SPTSSA: variants seen among roughly 807,000 people sequenced by gnomAD.
SPTSSA encodes small subunit of serine palmitoyltransferase A.
A neutral mutation model predicts 9.1 loss-of-function variants in SPTSSA; 8 were observed. The observed-to-expected ratio is 0.88, with a 90% CI of 0.51 to 1.58. SPTSSA has a LOEUF of 1.58. Ranked by LOEUF, SPTSSA falls within the 40% of genes most tolerant of loss-of-function variation. SPTSSA has a pLI of 0.00. For synonymous variants in SPTSSA, 42 were observed against 37.7 expected, an observed-to-expected ratio of 1.11 and a Z score of -0.41; for missense variants, 100 against 93.8, an observed-to-expected ratio of 1.07 and a Z score of -0.27.
At chr14:34,450,009 C>T (rs375998294) in intron 1 of SPTSSA, among the ~76,000 whole-genome samples, 1 of 152,154 alleles carries the variant, frequency 6.6e-6, no homozygotes. Context: ...CTGTAGGAGA[C>T]CCAGGTTTGA....
intron 1 of SPTSSA, among the ~76,000 whole-genome samples, chr14:34,451,672 C>G (rs1488074240): frequency 6.8e-6 from 1 of 146,540 alleles, no homozygotes; most frequent in Non-Finnish European, 1.5e-5. Context: ...GCAGTGAGAT[C>G]GCGCCACTGC....
chr14:34,445,169 C>G (rs974970264), intron 1 of SPTSSA, among the ~76,000 whole-genome samples: 1 of 151,356 alleles, frequency 6.6e-6, no homozygotes, highest in African/African-American at 2.4e-5. Context: ...CTTTTTTTTT[C>G]TTTTTGGTAA....
chr14:34,435,406 T>G (rs1883224214), intron 1 of SPTSSA, 102 bp from the exon 2 acceptor site: 2 of 721,842 alleles, frequency 2.8e-6, no homozygotes, highest in South Asian at 2.1e-5. Context: ...ATTCACTTAG[T>G]GCTTTCTCAT....
At chr14:34,455,367 A>T (rs1883598874) in intron 1 of SPTSSA, among the ~76,000 whole-genome samples, 1 of 152,134 alleles carries the variant, frequency 6.6e-6, no homozygotes, top group Non-Finnish European at 1.5e-5. Context: ...AGCCTGAGGA[A>T]AAGAGCGAAA....
intron 1 of SPTSSA, among the ~76,000 whole-genome samples, chr14:34,458,900 A>G (rs934824400): frequency 3.5e-5 from 5 of 142,812 alleles, no homozygotes; most frequent in Admixed American, 2.8e-4. Context: ...CCCTGAAATT[A>G]CAACTTTTTT....
chr14:34,450,509 C>G (rs915744708), intron 1 of SPTSSA, among the ~76,000 whole-genome samples: 2 of 152,176 alleles, frequency 1.3e-5, no homozygotes, highest in African/African-American at 2.4e-5. Context: ...TTTCTATTTA[C>G]CGAACTCTTC....
At chr14:34,459,484 G>C (rs868706022) in intron 1 of SPTSSA, among the ~76,000 whole-genome samples, 2 of 147,734 alleles carry the variant, frequency 1.4e-5, no homozygotes, top group African/African-American at 5.0e-5. Flanking sequence ...AAAAGAAAAA[G>C]AAGAAAATTA....
At chr14:34,457,971 GAA>G (rs750575678) in intron 1 of SPTSSA, among the ~76,000 whole-genome samples, 4 of 54,714 alleles carry the variant, frequency 7.3e-5, no homozygotes, top group African/African-American at 2.6e-4. Flanking sequence ...GACTGTCTCG[GAA>G]AAAAAAAAAA....
At chr14:34,446,304 T>G (rs1035744092) in intron 1 of SPTSSA, among the ~76,000 whole-genome samples, 1 of 152,204 alleles carries the variant, frequency 6.6e-6, no homozygotes, top group African/African-American at 2.4e-5. Context: ...CCCAAGAAGA[T>G]AGCATCCTTG....
At chr14:34,456,313 A>C (rs1448965904) in intron 1 of SPTSSA, among the ~76,000 whole-genome samples, 4 of 151,908 alleles carry the variant, frequency 2.6e-5, no homozygotes, top group Non-Finnish European at 5.9e-5. Flanking sequence ...CAAGTGCAAA[A>C]CCCTATCTCA....
At chr14:34,435,377 CT>C in intron 1 of SPTSSA, 73 bp from the exon 2 acceptor site, 1 of 1,062,094 alleles carries the variant, frequency 9.4e-7, no homozygotes, top group Non-Finnish European at 1.4e-6. Flanking sequence ...TTCAACAACT[CT>C]TTTATGCTGA....
In SPTSSA at chr14:34,457,970, GGAAAAAAAAAA is replaced by G. The variant is rs1268766285; in HGVS notation, c.112+4115_112+4125del. ...CTGGGTGACAGAGCAAGACTGTCTC[GGAAAAAAAAAA>G]AAAAAAAAACAAAGAAAAGAAAAGA... is the stretch of plus-strand genomic sequence containing the variant. On this transcript the variant is annotated intron_variant, in intron 1 of 1. Coordinates refer to ENST00000298130, the MANE Select transcript of SPTSSA (RefSeq NM_138288.4). 1.1e-4 allele frequency among the ~76,000 whole-genome samples: 9 copies of G among 83,388 alleles called. 1 individual carries two copies. The highest frequency in any genetic ancestry group is 4.4e-4 in the African/African-American group (9 of 20,686). 54.7% of individuals were successfully genotyped at this position (83,388 alleles called of 152,430 possible).
rs111390854 is a variant in SPTSSA, at chr14:34,461,792, G to A, written c.112+304C>T. Among the ~76,000 whole-genome samples, 233 of 152,324 alleles carry A rather than the reference G, an allele frequency of 1.5e-3. 2 individuals carry two copies. Among genetic ancestry groups the A allele is most frequent in the African/African-American group, 5.0e-3 (206 of 41,572 alleles). On this transcript the variant is annotated intron_variant, in intron 1 of 1. Coordinates refer to ENST00000298130, the MANE Select transcript of SPTSSA (RefSeq NM_138288.4). ...CAAAGGCAGTTGCGGCCGAAGTGCA[G>A]GCGACACACAGGGTTACACATCACC... is the stretch of plus-strand genomic sequence containing the variant.
intron 1 of SPTSSA, among the ~76,000 whole-genome samples, chr14:34,442,762 T>C (rs887401616): frequency 1.3e-5 from 2 of 152,336 alleles, no homozygotes; most frequent in African/African-American, 4.8e-5. Context: ...CCAGTGCTCC[T>C]TGGAGTCTGG....
chr14:34,452,231 G>GT (rs1192875799), intron 1 of SPTSSA, among the ~76,000 whole-genome samples: 1 of 139,260 alleles, frequency 7.2e-6, no homozygotes, highest in East Asian at 2.2e-4. Context: ...GAGCAACAGA[G>GT]TGAGACTCAA....
intron 1 of SPTSSA, among the ~76,000 whole-genome samples, chr14:34,440,875 C>T (rs908249286): frequency 5.9e-4 from 89 of 151,466 alleles, no homozygotes; most frequent in Non-Finnish European, 6.8e-4. Context: ...GAACAAAAAT[C>T]CATCTCACAA....
At chr14:34,445,783 G>A (rs990122923) in intron 1 of SPTSSA, among the ~76,000 whole-genome samples, 2 of 152,162 alleles carry the variant, frequency 1.3e-5, no homozygotes, top group African/African-American at 4.8e-5. Flanking sequence ...AAAATTGTAT[G>A]GGATTTCTAA....
chr14:34,459,518 T>C (rs188457419), intron 1 of SPTSSA, among the ~76,000 whole-genome samples: 2,519 of 150,680 alleles, frequency 0.017, 50 homozygotes, highest in African/African-American at 0.049. Context: ...TGGTAGCTCA[T>C]GCCTGTAATC....
intron 1 of SPTSSA, among the ~76,000 whole-genome samples, chr14:34,447,225 T>TA (rs79063928): frequency 0.23 from 19,636 of 85,122 alleles, 2,855 homozygotes; most frequent in Admixed American, 0.3. Flanking sequence ...CTCCATCTCT[T>TA]AAAAAAAAAA....
Sources: gnomAD v4.1 joint callset for allele counts (sites outside exome capture counted in the v4.1 genomes callset) on GRCh38, gnomAD v4.1.1 for gene constraint, MANE v1.5 for transcripts, NCBI Gene and HGNC (gene_info 2026-07-23, HGNC 2026-07-21) for gene names.